Variants in NLRP5 observed in about 807,000 individuals in gnomAD.
NLRP5 encodes NLR family pyrin domain containing 5.
NLRP5 carries 93 observed loss-of-function variants against 113.1 expected under a neutral mutation model. That is an observed-to-expected ratio of 0.82 (90% CI 0.70 to 0.98). The LOEUF (loss-of-function observed/expected upper bound fraction) is 0.98. Ranked by LOEUF, NLRP5 falls within the 50% of genes least tolerant of loss-of-function variation. The probability of loss-of-function intolerance (pLI) is 0.00; values close to 1 mark genes in which losing one functional copy is unlikely to be tolerated. For missense variants in NLRP5, 1,808 were observed against 1,514.3 expected (o/e 1.19, Z -3.22); for synonymous variants, 751 against 600.7 (o/e 1.25, Z -3.66).
At chr19:56,030,979 C>T (rs1365006235) in intron 7 of NLRP5, among the ~76,000 whole-genome samples, 3 of 151,700 alleles carry the variant, frequency 2.0e-5, no homozygotes, top group East Asian at 2.0e-4. Context: ...CCCAAAGTGC[C>T]GGGATGACAG....
rs1981922007 is a variant in NLRP5, at chr19:56,006,587, C to T, written c.443-2201C>T. Among the ~76,000 whole-genome samples the T allele has an allele frequency of 2.0e-5, 3 of 151,848 alleles. No homozygotes were observed. In the South Asian group the frequency reaches 6.2e-4, roughly 32 times the overall value. On this transcript the variant is annotated intron_variant, in intron 2 of 14. Coordinates refer to ENST00000390649, the MANE Select transcript of NLRP5 (RefSeq NM_153447.4). ...TCTCTACTAAAAATACAAAAATTAG[C>T]CAGGCATGGTGGCACACACCTGTAA...
intron 11 of NLRP5, among the ~76,000 whole-genome samples, chr19:56,044,689 G>A (rs998282605): frequency 2.6e-5 from 4 of 151,842 alleles, no homozygotes; most frequent in African/African-American, 4.8e-5. Flanking sequence ...CTTTGGCCAT[G>A]CTGGCTCTTT....
At chr19:56,036,068 T>TC (rs1377036965) in intron 9 of NLRP5, among the ~76,000 whole-genome samples, 93 of 138,782 alleles carry the variant, frequency 6.7e-4, no homozygotes, top group African/African-American at 2.3e-3. Context: ...CTTTTTTTTT[T>TC]TTTTTTTTTT....
intron 2 of NLRP5, among the ~76,000 whole-genome samples, chr19:56,005,169 A>T (rs1487086809): frequency 7.0e-6 from 1 of 141,880 alleles, no homozygotes; most frequent in African/African-American, 2.6e-5. Flanking sequence ...ATACACATAT[A>T]TTTTTATATA....
At chr19:56,033,798 T>C in intron 9 of NLRP5, 89 bp downstream of exon 9, 1 of 1,193,618 alleles carries the variant, frequency 8.4e-7, no homozygotes, top group African/African-American at 1.5e-5. Context: ...ATTAAAGAGC[T>C]GCAAAGATGG....
chr19:56,031,627 CAA>C (rs36019339), intron 7 of NLRP5, among the ~76,000 whole-genome samples: 168 of 113,104 alleles, frequency 1.5e-3, no homozygotes, highest in African/African-American at 2.9e-3. Flanking sequence ...ACTCCGTCTC[CAA>C]AAAAAAAAAA....
the NLRP5 span, among the ~76,000 whole-genome samples, chr19:55,989,741 A>T: frequency 6.6e-6 from 1 of 152,168 alleles, no homozygotes; most frequent in Non-Finnish European, 1.5e-5. Flanking sequence ...ATTTTTAAGG[A>T]TGCAGGGCAC....
At chr19:56,017,098 C>T (rs61542854) in intron 4 of NLRP5, among the ~76,000 whole-genome samples, 3,220 of 152,232 alleles carry the variant, frequency 0.021, 98 homozygotes, top group African/African-American at 0.073. Flanking sequence ...TGAGCCACCG[C>T]GCCCGGCCAA....
At chr19:56,056,795 C>A (rs1224971407) in intron 13 of NLRP5, among the ~76,000 whole-genome samples, 1 of 152,124 alleles carries the variant, frequency 6.6e-6, no homozygotes, top group African/African-American at 2.4e-5. Context: ...ACCATCTCGC[C>A]ATAGGTGGCT....
intron 11 of NLRP5, among the ~76,000 whole-genome samples, chr19:56,046,793 A>G (rs1413685348): frequency 6.6e-6 from 1 of 152,126 alleles, no homozygotes; most frequent in Non-Finnish European, 1.5e-5. Flanking sequence ...CGGCCTCCCA[A>G]AGTGCTGGGA....
At chr19:56,042,970 T>C (rs1000127978) in intron 11 of NLRP5, among the ~76,000 whole-genome samples, 4 of 70,258 alleles carry the variant, frequency 5.7e-5, no homozygotes, top group Admixed American at 5.0e-4. Flanking sequence ...CATATATGTA[T>C]GTGTGTGTGT....
rs544361276 is a variant in NLRP5, at chr19:56,053,581, C to T, written c.3129-57C>T. 8.0e-6 allele frequency: 12 copies of T among 1,491,716 alleles called. No homozygotes were observed. The African/African-American group carries it at 1.5e-4, about 19-fold the overall frequency. 92.4% of individuals were successfully genotyped at this position (1,491,716 alleles called of 1,614,324 possible). ...CCAGTTAATGCTGCTGAACCTTCTC[C>T]CGCTGTTCCACTTTCCTCGAGAGAG... On this transcript the variant is annotated intron_variant, in intron 12 of 14. Transcript: ENST00000390649.
Position 56,012,576 on chromosome 19 carries a change from CAAA to C in NLRP5, c.509-3153_509-3151del, listed in dbSNP as rs11312971. ...CCAGTCTTAGGACATTTCCATAACC[CAAA>C]AAAAAAAAAAAATCCTTCAGCAGAG... On this transcript the variant is annotated intron_variant, in intron 3 of 14. Coordinates refer to ENST00000390649, the MANE Select transcript of NLRP5 (RefSeq NM_153447.4). Among the ~76,000 whole-genome samples the C allele has an allele frequency of 3.8e-3, 564 of 146,744 alleles. 2 individuals carry two copies. The highest frequency in any genetic ancestry group is 7.1e-3 in the Middle Eastern group (2 of 280).
At chr19:56,031,744 G>A (rs377743930) in intron 7 of NLRP5, among the ~76,000 whole-genome samples, 3 of 152,048 alleles carry the variant, frequency 2.0e-5, no homozygotes, top group Non-Finnish European at 2.9e-5. Flanking sequence ...TGTCAAAAAC[G>A]GTAGAATGTC....
At chr19:55,999,700 C>T (rs370135757), upstream of NLRP5, 25 of 1,569,404 alleles carry the variant, frequency 1.6e-5, no homozygotes, top group South Asian at 2.1e-4. Flanking sequence ...CTTCGATGTT[C>T]AGTTACTTTC....
chr19:56,016,631 G>A (rs555310450), intron 4 of NLRP5, among the ~76,000 whole-genome samples: 6 of 152,180 alleles, frequency 3.9e-5, no homozygotes, highest in African/African-American at 1.4e-4. Context: ...CCAGCCTCTG[G>A]TAACCACTGT....
chr19:56,046,793 A>C (rs1413685348), intron 11 of NLRP5, among the ~76,000 whole-genome samples: 1 of 152,126 alleles, frequency 6.6e-6, no homozygotes, highest in African/African-American at 2.4e-5. Context: ...CGGCCTCCCA[A>C]AGTGCTGGGA....
chr19:56,011,534 A>G (rs1982191394), intron 3 of NLRP5, among the ~76,000 whole-genome samples: 1 of 152,290 alleles, frequency 6.6e-6, no homozygotes, highest in East Asian at 1.9e-4. Flanking sequence ...AGACAATAAG[A>G]TACATCCATC....
chr19:56,055,683 C>T (rs950988663), intron 13 of NLRP5, among the ~76,000 whole-genome samples: 9 of 151,004 alleles, frequency 6.0e-5, no homozygotes, highest in Non-Finnish European at 1.3e-4. Flanking sequence ...GTAGCTGGGA[C>T]TACAGGTGCC....
Sources: allele counts gnomAD v4.1 joint callset (sites outside exome capture counted in the v4.1 genomes callset), GRCh38; gene constraint gnomAD v4.1.1; transcripts MANE v1.5; gene names NCBI Gene and HGNC (gene_info 2026-07-23, HGNC 2026-07-21).